The following CABP1 variants were observed in gnomAD, a reference collection of about 807,000 sequenced individuals.
CABP1 encodes calcium binding protein 1.
Under a neutral mutation model 34.3 loss-of-function variants are expected in CABP1, and 17 were observed. That is an observed-to-expected ratio of 0.50 (90% CI 0.34 to 0.74). The LOEUF is 0.74. Ranked by LOEUF, CABP1 falls within the 30% of genes least tolerant of loss-of-function variation. The pLI is 0.01. For synonymous variants in CABP1, 198 were observed against 229.2 expected (o/e 0.86, Z 1.23); for missense variants, 373 against 511.1 (o/e 0.73, Z 2.61).
Position 120,660,110 on chromosome 12 carries a change from T to A in CABP1, c.686-86T>A. On this transcript the variant is annotated intron_variant, in intron 2 of 5. Transcript: ENST00000316803. The surrounding 1 kb of genome is among the most constrained non-coding windows in gnomAD (Gnocchi z 5.0). Reference sequence around the variant, plus strand: ...GGAAGCTCCTGGGCCTCTCTTTCCATGCCGGTGGGCCTTTGGGCTGCCTTT... The same window carrying A: ...GGAAGCTCCTGGGCCTCTCTTTCCAAGCCGGTGGGCCTTTGGGCTGCCTTT... The A allele has an allele frequency of 6.5e-7, 1 of 1,544,078 alleles. No homozygotes were observed. Among genetic ancestry groups the A allele is most frequent in the African/African-American group, 1.4e-5 (1 of 73,208 alleles).
chr12:120,659,988 C>A, intron 2 of CABP1, 80 bp downstream of exon 2: 3 of 1,472,312 alleles, frequency 2.0e-6, no homozygotes, highest in Non-Finnish European at 2.8e-6. Flanking sequence ...GGAAGAGAGG[C>A]CCCTGGAAAT....
intron 1 of CABP1, among the ~76,000 whole-genome samples, chr12:120,652,605 C>T (rs1879915776): frequency 6.6e-6 from 1 of 152,126 alleles, no homozygotes; most frequent in African/African-American, 2.4e-5. Flanking sequence ...TCTCTTTCCC[C>T]TGCTGTCAGA....
Position 120,660,411 on chromosome 12 carries a change from T to A in CABP1, c.829+72T>A. 6.7e-7 allele frequency: 1 copy of A among 1,502,076 alleles called. No homozygotes were observed. The highest frequency in any genetic ancestry group is 1.9e-5 in the Admixed American group (1 of 51,538). 93.0% of individuals were successfully genotyped at this position (1,502,076 alleles called of 1,614,324 possible). On this transcript the variant is annotated intron_variant, in intron 3 of 5. Transcript: ENST00000316803. The surrounding 1 kb of genome is among the most constrained non-coding windows in gnomAD (Gnocchi z 5.0). The stretch of plus-strand genomic sequence containing the variant: ...GCCGTCCTCTGCAGTCAGACAGGAC[T>A]GGCTTCAAATTCTGCATCCACCTCT...
At chr12:120,668,198 T>C (rs1213236450), downstream of CABP1, among the ~76,000 whole-genome samples, 2 of 151,892 alleles carry the variant, frequency 1.3e-5, no homozygotes, top group South Asian at 4.2e-4. Context: ...CAGACAGATA[T>C]AGACACAGCT....
At position 120,660,323 on chromosome 12, in the gene CABP1, G is replaced by A. The variant is rs1880546049; in HGVS notation, c.813G>A (p.Gln271=). The change falls in exon 3 of 6, where the codon CAG becomes CAA. Residue 271 remains glutamine, a synonymous_variant. Coordinates refer to ENST00000316803, the MANE Select transcript of CABP1 (RefSeq NM_001033677.2). The surrounding 1 kb of genome is among the most constrained non-coding windows in gnomAD (Gnocchi z 5.0). ...PTEMELIELS[Q]QINMNLGGHV... ...AGATGGAGCTCATCGAACTGTCCCA[G>A]CAGATCAACATGAACCGTGAGTCCC... The A allele has an allele frequency of 6.2e-7, 1 of 1,613,258 alleles. No homozygotes were observed. The highest frequency in any genetic ancestry group is 8.5e-7 in the Non-Finnish European group (1 of 1,179,998).
At chr12:120,655,584 C>T in intron 1 of CABP1, 1 of 1,293,700 alleles carries the variant, frequency 7.7e-7, no homozygotes, top group Non-Finnish European at 9.8e-7. Flanking sequence ...GCTCCGATTG[C>T]CCTCACTGCC....
At chr12:120,677,588 G>C in the CABP1 span, among the ~76,000 whole-genome samples, 1 of 151,576 alleles carries the variant, frequency 6.6e-6, no homozygotes, top group Admixed American at 6.6e-5. Flanking sequence ...GTAGAGATGG[G>C]AGTGGGGGGT....
intron 5 of CABP1, among the ~76,000 whole-genome samples, chr12:120,666,587 A>G (rs1280427555): frequency 6.6e-6 from 1 of 151,974 alleles, no homozygotes; most frequent in African/African-American, 2.4e-5. Context: ...AGTTAGCCTG[A>G]GAGATATGGC....
At chr12:120,652,800 G>A (rs1454384719) in intron 1 of CABP1, among the ~76,000 whole-genome samples, 2 of 152,160 alleles carry the variant, frequency 1.3e-5, no homozygotes, top group African/African-American at 4.8e-5. Flanking sequence ...TTAGAAAGCT[G>A]TTAGGTCATG....
At chr12:120,654,116 A>G (rs931972447) in intron 1 of CABP1, among the ~76,000 whole-genome samples, 8 of 151,910 alleles carry the variant, frequency 5.3e-5, no homozygotes, top group African/African-American at 1.2e-4. Flanking sequence ...CTGAATCACA[A>G]CTCTTTGGGA....
chr12:120,665,837 T>C (rs1301857581), intron 5 of CABP1, among the ~76,000 whole-genome samples: 2 of 151,502 alleles, frequency 1.3e-5, no homozygotes, highest in South Asian at 2.1e-4. Flanking sequence ...CTGGCTAACA[T>C]GGTGAAACCC....
chr12:120,677,191 G>A, the CABP1 span, among the ~76,000 whole-genome samples: 4 of 149,632 alleles, frequency 2.7e-5, no homozygotes, highest in Middle Eastern at 7.0e-3. Context: ...GGGCTCAAGC[G>A]ACTCTCCTGC....
Position 120,640,939 on chromosome 12 carries a change from C to T in CABP1, c.254C>T (p.Ala85Val). 1 of 1,130,206 alleles carries T rather than the reference C, an allele frequency of 8.8e-7. No homozygotes were observed. Among genetic ancestry groups the T allele is most frequent in the South Asian group, 4.3e-5 (1 of 23,460 alleles). The allele number at this position is 1,130,206 out of a possible 1,614,324, so 70.0% of individuals were successfully genotyped here. ...AAAAASGGSR[A>V]PRHGPARDPG... ...GCGGCGGCGAGCGGGGGCAGCCGGGCTCCCCGCCACGGCCCTGCCCGGGAC... is the reference window on the plus strand; with the variant it reads ...GCGGCGGCGAGCGGGGGCAGCCGGGTTCCCCGCCACGGCCCTGCCCGGGAC... Residue 85 changes from alanine to valine, a missense_variant, in exon 1 of 6, where the codon GCT (alanine) becomes GTT (valine). This residue lies in a region of CABP1 where 134 missense variants were observed against 145.4 expected (regional missense o/e 0.92). Coordinates refer to ENST00000316803, the MANE Select transcript of CABP1 (RefSeq NM_001033677.2). This position sits in a 1 kb window ranked among gnomAD's most constrained non-coding sequence, Gnocchi z 6.2.
Position 120,641,396 on chromosome 12 carries a change from CCGCGGTTG to C in CABP1, c.654+62_654+69del. The C allele has an allele frequency of 8.0e-7, 1 of 1,242,638 alleles. No homozygotes were observed. Among genetic ancestry groups the C allele is most frequent in the East Asian group, 3.2e-5 (1 of 31,582 alleles). The allele number at this position is 1,242,638 out of a possible 1,614,324, so 77.0% of individuals were successfully genotyped here. A position where few individuals can be genotyped will look rare whatever the true frequency, so the allele number is the denominator to read the frequency against. On this transcript the variant is annotated intron_variant, in intron 1 of 5. Transcript: ENST00000316803. The surrounding 1 kb of genome is among the most constrained non-coding windows in gnomAD (Gnocchi z 6.7). ...GGAAAGGCGCTCGGGACCCTGCCGG[CCGCGGTTG>C]CGCGTCCACAGCCTCCTCCCGCGGC...
chr12:120,668,681 T>C (rs116357527), downstream of CABP1, among the ~76,000 whole-genome samples: 852 of 152,346 alleles, frequency 5.6e-3, 3 homozygotes, highest in African/African-American at 0.019. Context: ...CAGGGACTGC[T>C]ATTCAGACTG....
chr12:120,666,882 C>T lies in CABP1; in HGVS notation c.1095C>T (p.Val365=), dbSNP rs200202796. ...GCTCCTCTACCCTTCTAGAGTTTGT[C>T]CGGATGATGTCCCGCTGAGGCCGCG... ...GDGRVDFEEF[V]RMMSR Residue 365 remains valine, a synonymous_variant, in exon 6 of 6, where the codon GTC becomes GTT. Transcript: ENST00000316803. The T allele has an allele frequency of 4.4e-6, 7 of 1,606,632 alleles. No homozygotes were observed. Among genetic ancestry groups the T allele is most frequent in the Non-Finnish European group, 5.9e-6 (7 of 1,178,818 alleles).
chr12:120,647,882 C>T (rs987707944), intron 1 of CABP1, among the ~76,000 whole-genome samples: 19 of 152,182 alleles, frequency 1.2e-4, no homozygotes, highest in Admixed American at 1.2e-3. Flanking sequence ...ACGCCCCGCC[C>T]CAAGCTCTTA....
downstream of CABP1, among the ~76,000 whole-genome samples, chr12:120,671,929 G>A (rs961051902): frequency 6.6e-6 from 1 of 152,162 alleles, no homozygotes; most frequent in Admixed American, 6.5e-5. Context: ...TTAGCCAGAT[G>A]TGGTTGCATG....
In CABP1 at chr12:120,661,275, C is replaced by T. The variant is rs1037780795; in HGVS notation, c.1087+57C>T. 2 of 1,568,212 alleles carry T rather than the reference C, an allele frequency of 1.3e-6. No individual in the cohort carries two copies. Among genetic ancestry groups the T allele is most frequent in the African/African-American group, 1.4e-5 (1 of 73,568 alleles). On this transcript the variant is annotated intron_variant, in intron 5 of 5. Transcript: ENST00000316803. This position sits in a 1 kb window ranked among gnomAD's most constrained non-coding sequence, Gnocchi z 5.1. ...AGCCAGCAGTGGCCATCCATGGAGC[C>T]CTCCAATTGTGTATCCATCATGCAA...
Sources: allele counts gnomAD v4.1 joint callset (sites outside exome capture counted in the v4.1 genomes callset), GRCh38; gene constraint gnomAD v4.1.1; regional missense constraint gnomAD v4.1.1; non-coding constraint Gnocchi (gnomAD v3.1); transcripts MANE v1.5; gene names NCBI Gene and HGNC (gene_info 2026-07-23, HGNC 2026-07-21).